The following TSNAXIP1 variants were observed in gnomAD, a reference collection of about 807,000 sequenced individuals.
TSNAXIP1 encodes the protein translin associated factor X interacting protein 1, also known as translin-associated factor X-interacting protein 1.
Under a neutral mutation model 84.8 loss-of-function variants are expected in TSNAXIP1, and 89 were observed. That is an observed-to-expected ratio of 1.05 (90% CI 0.88 to 1.25). TSNAXIP1 has a LOEUF of 1.25. TSNAXIP1 is among the 50% of genes most tolerant of loss of function. The probability of loss-of-function intolerance (pLI) is 0.00; values close to 1 mark genes in which losing one functional copy is unlikely to be tolerated. For synonymous variants in TSNAXIP1, 347 were observed against 335.2 expected (o/e 1.04, Z -0.39); for missense variants, 874 against 887.6 (o/e 0.98, Z 0.20).
chr16:67,815,395 GTGCAGTTATGGCTCGC>G (rs149725324), intron 2 of TSNAXIP1, among the ~76,000 whole-genome samples: 5,568 of 151,230 alleles, frequency 0.037, 340 homozygotes, highest in African/African-American at 0.13. Context: ...TGGTGCAGTG[GTGCAGTTATGGCTCGC>G]TGCAGTCTCA....
chr16:67,814,190 C>T (rs1217210165), intron 1 of TSNAXIP1, 112 bp from the exon 2 acceptor site: 6 of 844,792 alleles, frequency 7.1e-6, no homozygotes, highest in Non-Finnish European at 1.1e-5. Flanking sequence ...GGAGGCAGCA[C>T]CCAGAGCCTG....
chr16:67,826,121 C>A, intron 9 of TSNAXIP1, 31 bp from the exon 10 acceptor site: 1 of 1,613,184 alleles, frequency 6.2e-7, no homozygotes, highest in Non-Finnish European at 8.5e-7. Context: ...ACATGTGGGC[C>A]CAGACTCCAG....
intron 1 of TSNAXIP1, among the ~76,000 whole-genome samples, chr16:67,811,223 A>G (rs1403755241): frequency 6.6e-6 from 1 of 150,928 alleles, no homozygotes; most frequent in Non-Finnish European, 1.5e-5. Flanking sequence ...GGATAAGTGT[A>G]CAGGCCCTAG....
chr16:67,823,478 G>A, intron 4 of TSNAXIP1, 148 bp from the exon 5 acceptor site: 1 of 553,076 alleles, frequency 1.8e-6, no homozygotes, highest in Non-Finnish European at 3.3e-6. Flanking sequence ...GGGAGGCAGA[G>A]GTTGCAGTGA....
chr16:67,821,595 T>C (rs1219288699), intron 4 of TSNAXIP1, among the ~76,000 whole-genome samples: 1 of 151,646 alleles, frequency 6.6e-6, no homozygotes, highest in East Asian at 2.0e-4. Context: ...AAAAAAAGCC[T>C]CACCTACAAG....
At chr16:67,823,521 T>A in intron 4 of TSNAXIP1, 105 bp from the exon 5 acceptor site, 1 of 784,908 alleles carries the variant, frequency 1.3e-6, no homozygotes, top group Non-Finnish European at 2.1e-6. Flanking sequence ...CCAGCCTGGG[T>A]GATGGAGCGA....
At chr16:67,807,299 C>G (rs1482132452) in intron 1 of TSNAXIP1, 103 bp downstream of exon 1, 2 of 1,534,750 alleles carry the variant, frequency 1.3e-6, no homozygotes, top group Admixed American at 3.9e-5. Flanking sequence ...GGCCTCTGAC[C>G]ATTGATCTAG....
intron 3 of TSNAXIP1, 32 bp from the exon 4 acceptor site, chr16:67,821,067 G>A (rs1274684213): frequency 1.2e-6 from 2 of 1,612,558 alleles, no homozygotes; most frequent in Admixed American, 1.7e-5. Flanking sequence ...CCGTGGGGGT[G>A]CTGGCCACAT....
intron 11 of TSNAXIP1, 26 bp downstream of exon 11, chr16:67,826,588 C>T: frequency 1.9e-6 from 3 of 1,613,846 alleles, no homozygotes; most frequent in Non-Finnish European, 2.5e-6. Flanking sequence ...CCACTCTGGC[C>T]CAGCATGGTC....
At position 67,820,966 on chromosome 16, in the gene TSNAXIP1, G is replaced by C; in HGVS notation, c.260+15G>C. The C allele has an allele frequency of 6.3e-7, 1 of 1,591,204 alleles. No individual in the cohort carries two copies. The highest frequency in any genetic ancestry group is 8.6e-7 in the Non-Finnish European group (1 of 1,168,576). Reference sequence around the variant, plus strand: ...AAGCGAGTAGGGTAAGCCAGGGTCAGTCCCATGGTGGGTGAGCTGGCATGG... The same window carrying C: ...AAGCGAGTAGGGTAAGCCAGGGTCACTCCCATGGTGGGTGAGCTGGCATGG... On this transcript the variant is annotated intron_variant, in intron 3 of 15. Coordinates refer to ENST00000561639, the MANE Select transcript of TSNAXIP1 (RefSeq NM_001288990.3).
Position 67,827,478 on chromosome 16 carries a change from G to T in TSNAXIP1, c.1797G>T (p.Glu599Asp). 1 of 1,614,244 alleles carries T rather than the reference G, an allele frequency of 6.2e-7. No individual in the cohort carries two copies. The highest frequency in any genetic ancestry group is 8.5e-7 in the Non-Finnish European group (1 of 1,180,042). The change falls in exon 15 of 16, where the codon GAG (glutamate) becomes GAT (aspartate). Residue 599 changes from glutamate (E) to aspartate (D), a missense_variant. Glu to Asp is a conservative substitution (Grantham distance 45). Transcript: ENST00000561639. ...LNYRSLFMED[E>D]EGQSEPFVQK... ...TGACTTGTGGCCCCTCCCAGGATGA[G>T]GAGGGCCAGAGTGAGCCCTTTGTGC...
intron 2 of TSNAXIP1, among the ~76,000 whole-genome samples, chr16:67,814,681 C>T (rs1810802488): frequency 6.6e-6 from 1 of 152,196 alleles, no homozygotes; most frequent in Admixed American, 6.6e-5. Flanking sequence ...ACATCCCTCC[C>T]CAGCAGCTCA....
intron 1 of TSNAXIP1, among the ~76,000 whole-genome samples, chr16:67,814,068 G>T (rs1029876583): frequency 1.3e-5 from 2 of 152,166 alleles, no homozygotes; most frequent in African/African-American, 2.4e-5. Flanking sequence ...AGGATGTCCT[G>T]CTGCTGCAGT....
At chr16:67,823,539 T>C in intron 4 of TSNAXIP1, 87 bp from the exon 5 acceptor site, 2 of 1,086,326 alleles carry the variant, frequency 1.8e-6, no homozygotes. Context: ...CGACACTCCG[T>C]CTCAGGAAAA....
At chr16:67,808,758 AG>A (rs1372551852) in intron 1 of TSNAXIP1, among the ~76,000 whole-genome samples, 1 of 152,114 alleles carries the variant, frequency 6.6e-6, no homozygotes, top group East Asian at 1.9e-4. Context: ...AAAAGAAAAA[AG>A]AAAAAAAAGG....
Position 67,823,775 on chromosome 16 carries a change from T to A in TSNAXIP1, c.481+56T>A, listed in dbSNP as rs967360587. 32 of 1,489,222 alleles carry A rather than the reference T, an allele frequency of 2.1e-5. No homozygotes were observed. In the Admixed American group the frequency reaches 5.5e-4, roughly 25 times the overall value. The allele number at this position is 1,489,222 out of a possible 1,614,324, so 92.3% of individuals were successfully genotyped here. On this transcript the variant is annotated intron_variant, in intron 5 of 15. Coordinates refer to ENST00000561639, the MANE Select transcript of TSNAXIP1 (RefSeq NM_001288990.3). ...GCTCACGCCTGTAATCCCAGCACTT[T>A]AGGAGGCCGAGGCGGTAGATCACTT...
At chr16:67,815,941 A>C (rs2056511371) in intron 2 of TSNAXIP1, among the ~76,000 whole-genome samples, 1 of 149,740 alleles carries the variant, frequency 6.7e-6, no homozygotes, top group South Asian at 2.1e-4. Flanking sequence ...CTGGGATTAC[A>C]GGTGCACACC....
rs1016033678 is a variant in TSNAXIP1 at position 67,807,009 on chromosome 16, G to A, written c.-141G>A. The A allele has an allele frequency of 7.4e-7, 1 of 1,353,002 alleles. No homozygotes were observed. The highest frequency in any genetic ancestry group is 9.8e-7 in the Non-Finnish European group (1 of 1,021,548). 83.8% of individuals were successfully genotyped at this position (1,353,002 alleles called of 1,614,324 possible). On this transcript the variant is annotated 5_prime_UTR_variant, in exon 1 of 16. Coordinates refer to ENST00000561639, the MANE Select transcript of TSNAXIP1 (RefSeq NM_001288990.3). ...TTTGTCCTACTCCCAGCCCGCGGGC[G>A]CTAGGCTCGGGGGCGTGGCGCATCC...
At chr16:67,816,000 T>TCC (rs1304754460) in intron 2 of TSNAXIP1, among the ~76,000 whole-genome samples, 1 of 124,810 alleles carries the variant, frequency 8.0e-6, no homozygotes, top group African/African-American at 4.0e-5. Flanking sequence ...AGACGGAATC[T>TCC]CGCTGTCGCC....
Sources: gnomAD v4.1 joint callset for allele counts (sites outside exome capture counted in the v4.1 genomes callset) on GRCh38, gnomAD v4.1.1 for gene constraint, MANE v1.5 for transcripts, NCBI Gene and HGNC (gene_info 2026-07-23, HGNC 2026-07-21) for gene names.